Variants in NMNAT1 observed in about 807,000 individuals in gnomAD.
NMNAT1 encodes nicotinamide/nicotinic acid mononucleotide adenylyltransferase 1.
NMNAT1 carries 11 observed loss-of-function variants against 16.7 expected under a neutral mutation model. That is an observed-to-expected ratio of 0.66 (90% CI 0.41 to 1.09). The LOEUF is 1.09. Among genes scored for constraint, NMNAT1 ranks in the 50% least tolerant of loss-of-function variants. NMNAT1 has a pLI of 0.00. For synonymous variants in NMNAT1, 110 were observed against 119.8 expected, an observed-to-expected ratio of 0.92 and a Z score of 0.53; for missense variants, 280 against 332.3, an observed-to-expected ratio of 0.84 and a Z score of 1.22.
the NMNAT1 span, among the ~76,000 whole-genome samples, chr1:9,996,545 G>GT: frequency 6.6e-6 from 1 of 152,142 alleles, no homozygotes; most frequent in Non-Finnish European, 1.5e-5. Flanking sequence ...CATTGATACA[G>GT]TTTTGGCTAA....
chr1:9,982,776 G>C lies in NMNAT1; in HGVS notation c.*75G>C, dbSNP rs1301383057. The C allele has an allele frequency of 6.9e-7, 1 of 1,442,292 alleles. No homozygotes were observed. Among genetic ancestry groups the C allele is most frequent in the Admixed American group, 2.3e-5 (1 of 42,732 alleles). 89.3% of individuals were successfully genotyped at this position (1,442,292 alleles called of 1,614,324 possible). On this transcript the variant is annotated 3_prime_UTR_variant, in exon 5 of 5. Transcript: ENST00000377205. ...ATCTGGGAGTTAATAACTGGGGAAA[G>C]AAGTTGTGATCTGTTGCCTAAACTA...
intron 1 of NMNAT1, among the ~76,000 whole-genome samples, chr1:9,971,532 T>C (rs1641687512): frequency 6.6e-6 from 1 of 152,076 alleles, no homozygotes; most frequent in Non-Finnish European, 1.5e-5. Flanking sequence ...CAGGATGGTC[T>C]TGATCTCTTG....
In NMNAT1 at chr1:9,968,067, A is replaced by AGTTTTTTTTTTT. The variant is rs1553126591; in HGVS notation, c.-56-3940_-56-3929dup. On this transcript the variant is annotated intron_variant, in intron 1 of 4. Coordinates refer to ENST00000377205, the MANE Select transcript of NMNAT1 (RefSeq NM_022787.4). ...AGCATGTTTGCTATTTGCCAAATGTAGTTTTTTTTTTTGTTTTTTTTTGAG... is the reference window on the plus strand; with the variant it reads ...AGCATGTTTGCTATTTGCCAAATGTAGTTTTTTTTTTTGTTTTTTTTTTTGTTTTTTTTTGAG... 5.0e-3 allele frequency among the ~76,000 whole-genome samples: 356 copies of AGTTTTTTTTTTT among 71,866 alleles called. 8 individuals carry two copies. The highest frequency in any genetic ancestry group is 0.011 in the African/African-American group (320 of 29,340). The allele number at this position is 71,866 out of a possible 152,430, so 47.1% of individuals were successfully genotyped here. A position where few individuals can be genotyped will look rare whatever the true frequency, so the allele number is the denominator to read the frequency against.
At position 9,975,596 on chromosome 1, in the gene NMNAT1, G is replaced by A; in HGVS notation, c.120G>A (p.Arg40=). 2 of 1,609,412 alleles carry A rather than the reference G, an allele frequency of 1.2e-6. No homozygotes were observed. The highest frequency in any genetic ancestry group is 3.4e-5 in the Admixed American group (2 of 58,742). ...LAKDYMNGTG[R]YTVVKGIISP... Reference sequence around the variant, plus strand: ...GAAACCTAACTTTTTATCTAGGAAGGTACACAGTTGTCAAAGGCATCATCT... The same window carrying A: ...GAAACCTAACTTTTTATCTAGGAAGATACACAGTTGTCAAAGGCATCATCT... Residue 40 remains arginine (R), a synonymous_variant, in exon 3 of 5, where the codon AGG becomes AGA. Coordinates refer to ENST00000377205, the MANE Select transcript of NMNAT1 (RefSeq NM_022787.4).
chr1:9,968,308 G>A (rs1259886483), intron 1 of NMNAT1, among the ~76,000 whole-genome samples: 1 of 151,148 alleles, frequency 6.6e-6, no homozygotes, highest in East Asian at 2.0e-4. Context: ...TCCTGACCTC[G>A]TGATCTGCCC....
At chr1:9,947,192 T>C (rs1640998365) in intron 1 of NMNAT1, 1 of 152,364 alleles carries the variant, frequency 6.6e-6, no homozygotes, top group African/African-American at 2.4e-5. Flanking sequence ...CATCTTTCTC[T>C]TCTCTTTTTT....
intron 1 of NMNAT1, among the ~76,000 whole-genome samples, chr1:9,963,807 A>G (rs912060172): frequency 6.6e-6 from 1 of 152,164 alleles, no homozygotes; most frequent in Non-Finnish European, 1.5e-5. Context: ...TTAACTATAG[A>G]TTATCATTTG....
intron 3 of NMNAT1, among the ~76,000 whole-genome samples, chr1:9,979,575 C>T (rs1247574741): frequency 2.6e-5 from 4 of 152,026 alleles, no homozygotes; most frequent in African/African-American, 9.7e-5. Flanking sequence ...CCTAGGCGGG[C>T]AGATCACAAG....
At chr1:9,973,343 C>G (rs1005772608) in intron 2 of NMNAT1, among the ~76,000 whole-genome samples, 16 of 152,090 alleles carry the variant, frequency 1.1e-4, no homozygotes, top group Non-Finnish European at 1.9e-4. Context: ...GTCTCAAACT[C>G]CCAACCTCAG....
chr1:9,979,606 C>G (rs913215029), intron 3 of NMNAT1, among the ~76,000 whole-genome samples: 6 of 152,064 alleles, frequency 3.9e-5, no homozygotes, highest in Non-Finnish European at 7.4e-5. Flanking sequence ...CGAGACCATC[C>G]TGGCTAACAT....
At chr1:9,943,205 G>C (rs1039639802), upstream of NMNAT1, 1 of 170,594 alleles carries the variant, frequency 5.9e-6, no homozygotes, top group East Asian at 1.5e-4. Context: ...TGCCACCAGA[G>C]GTAGCCGTAA....
chr1:9,986,381 T>G (rs1642044973), downstream of NMNAT1, among the ~76,000 whole-genome samples: 1 of 152,180 alleles, frequency 6.6e-6, no homozygotes. Context: ...AATACTTCAG[T>G]GTGAGGAATG....
At chr1:9,992,629 T>C in the NMNAT1 span, among the ~76,000 whole-genome samples, 1 of 151,436 alleles carries the variant, frequency 6.6e-6, no homozygotes, top group African/African-American at 2.4e-5. Flanking sequence ...TGTACCCCTA[T>C]GGCCGGGCGT....
At chr1:9,958,130 A>C (rs1367944543) in intron 1 of NMNAT1, among the ~76,000 whole-genome samples, 1 of 152,180 alleles carries the variant, frequency 6.6e-6, no homozygotes, top group Non-Finnish European at 1.5e-5. Flanking sequence ...TGCCCTTGGT[A>C]ATAGGGGCAG....
intron 1 of NMNAT1, among the ~76,000 whole-genome samples, chr1:9,950,891 C>T (rs1300710657): frequency 6.6e-6 from 1 of 152,090 alleles, no homozygotes; most frequent in Non-Finnish European, 1.5e-5. Context: ...GAGTTCAAGA[C>T]TAGCCTGGCC....
At chr1:9,971,216 G>A (rs1172914920) in intron 1 of NMNAT1, among the ~76,000 whole-genome samples, 2 of 152,216 alleles carry the variant, frequency 1.3e-5, no homozygotes, top group African/African-American at 4.8e-5. Context: ...ATGTGGAGAA[G>A]TCACTTCCAT....
At chr1:9,970,415 C>T (rs978270537) in intron 1 of NMNAT1, among the ~76,000 whole-genome samples, 1 of 152,026 alleles carries the variant, frequency 6.6e-6, no homozygotes, top group African/African-American at 2.4e-5. Context: ...AAATTTTAGG[C>T]CAGGCGCAGT....
intron 1 of NMNAT1, among the ~76,000 whole-genome samples, chr1:9,965,974 C>T (rs1019580043): frequency 6.7e-6 from 1 of 150,314 alleles, no homozygotes; most frequent in Admixed American, 6.6e-5. Context: ...GGCAACACAC[C>T]GAGATCCTTT....
At chr1:9,962,677 GT>G (rs34747915) in intron 1 of NMNAT1, among the ~76,000 whole-genome samples, 10,974 of 73,714 alleles carry the variant, frequency 0.15, 221 homozygotes, top group African/African-American at 0.28. Context: ...CCAAATAAGG[GT>G]TTTTTTTTTT....
Sources: gnomAD v4.1 joint callset for allele counts (sites outside exome capture counted in the v4.1 genomes callset) on GRCh38, gnomAD v4.1.1 for gene constraint, MANE v1.5 for transcripts, NCBI Gene and HGNC (gene_info 2026-07-23, HGNC 2026-07-21) for gene names.